IL15: variants seen among roughly 807,000 people sequenced by gnomAD.
IL15 encodes interleukin-15.
Under a neutral mutation model 19.6 loss-of-function variants are expected in IL15, and 11 were observed. That is an observed-to-expected ratio of 0.56 (90% CI 0.35 to 0.93). The LOEUF is 0.93. Ranked by LOEUF, IL15 falls within the 40% of genes least tolerant of loss-of-function variation. IL15 has a pLI of 0.01. For synonymous variants in IL15, 58 were observed against 59.6 expected (o/e 0.97, Z 0.12); for missense variants, 197 against 186.5 (o/e 1.06, Z -0.33).
intron 2 of IL15, chr4:141,688,751 C>G (rs1419420549): frequency 6.6e-6 from 1 of 152,046 alleles, no homozygotes; most frequent in South Asian, 2.1e-4. Context: ...TGATATCCCA[C>G]CAGCCTCCCA....
chr4:141,712,462 G>C (rs1406149389), intron 2 of IL15, among the ~76,000 whole-genome samples: 7 of 151,994 alleles, frequency 4.6e-5, no homozygotes, highest in African/African-American at 1.7e-4. Context: ...CATGAACATA[G>C]TGCTACAGAA....
chr4:141,716,498 A>T (rs1729888292), intron 2 of IL15: 1 of 152,266 alleles, frequency 6.6e-6, no homozygotes. Flanking sequence ...GCAGTCTCAC[A>T]GAATACAAGA....
chr4:141,655,568 CT>C (rs1338675289), intron 1 of IL15, among the ~76,000 whole-genome samples: 3 of 151,904 alleles, frequency 2.0e-5, no homozygotes, highest in Admixed American at 1.3e-4. Context: ...TACTACTTTA[CT>C]TTTTTAAATG....
At chr4:141,643,071 G>T (rs146260481) in intron 1 of IL15, among the ~76,000 whole-genome samples, 54 of 152,298 alleles carry the variant, frequency 3.5e-4, no homozygotes, top group African/African-American at 1.2e-3. Context: ...TTAGTTTGAG[G>T]TAGAATTTAT....
chr4:141,711,980 C>T (rs1344213786), intron 2 of IL15, among the ~76,000 whole-genome samples: 7 of 152,024 alleles, frequency 4.6e-5, no homozygotes, highest in African/African-American at 1.7e-4. Flanking sequence ...GTTTCATTAT[C>T]CTGGAATTAG....
At chr4:141,644,955 C>T (rs1199043206) in intron 1 of IL15, among the ~76,000 whole-genome samples, 1 of 152,114 alleles carries the variant, frequency 6.6e-6, no homozygotes, top group Non-Finnish European at 1.5e-5. Flanking sequence ...TTAACTTCAT[C>T]TTTTGCACTT....
intron 2 of IL15, among the ~76,000 whole-genome samples, chr4:141,682,353 T>C (rs1231802381): frequency 6.6e-6 from 1 of 152,236 alleles, no homozygotes; most frequent in East Asian, 1.9e-4. Context: ...ACTGTGAATT[T>C]GCTTTGCTGA....
At chr4:141,666,515 C>G (rs1727992338) in intron 2 of IL15, among the ~76,000 whole-genome samples, 1 of 152,050 alleles carries the variant, frequency 6.6e-6, no homozygotes, top group African/African-American at 2.4e-5. Context: ...ACCACCCTGC[C>G]TGGCTAATTT....
At chr4:141,672,581 G>A (rs1728210266) in intron 2 of IL15, among the ~76,000 whole-genome samples, 1 of 152,188 alleles carries the variant, frequency 6.6e-6, no homozygotes, top group Admixed American at 6.5e-5. Flanking sequence ...GAGGGTATGT[G>A]TGCTAAAGCA....
intron 2 of IL15, chr4:141,704,520 C>G (rs903878275): frequency 3.4e-5 from 9 of 267,238 alleles, no homozygotes; most frequent in Non-Finnish European, 3.8e-5. Context: ...TTTGTTGTAT[C>G]CTTGTCTGGT....
chr4:141,656,273 C>A lies in IL15; in HGVS notation c.-134C>A. ...CTGACGTCACATGGAGCACAGAAATCAATGTTAGCAGATAGCCAGCCCATA... is the reference window on the plus strand; with the variant it reads ...CTGACGTCACATGGAGCACAGAAATAAATGTTAGCAGATAGCCAGCCCATA... On this transcript the variant is annotated 5_prime_UTR_variant, in exon 2 of 8. The change creates a premature stop within an existing upstream ORF in the 5' untranslated region. Transcript: ENST00000320650. The A allele has an allele frequency of 5.0e-6, 2 of 398,188 alleles. No individual in the cohort carries two copies. The highest frequency in any genetic ancestry group is 2.6e-4 in the South Asian group (2 of 7,826). 24.7% of individuals were successfully genotyped at this position (398,188 alleles called of 1,614,324 possible).
chr4:141,723,362 G>A (rs571535568), intron 5 of IL15, among the ~76,000 whole-genome samples: 123 of 152,272 alleles, frequency 8.1e-4, no homozygotes, highest in African/African-American at 2.8e-3. Context: ...ATTAGAAAAG[G>A]AAAGGACACA....
intron 3 of IL15, 85 bp from the exon 4 acceptor site, chr4:141,720,384 G>T: frequency 1.4e-6 from 1 of 706,240 alleles, no homozygotes; most frequent in South Asian, 1.6e-5. Context: ...TACATCTTTA[G>T]ACCTAAAAAT....
At chr4:141,669,090 T>G in intron 2 of IL15, among the ~76,000 whole-genome samples, 1 of 152,202 alleles carries the variant, frequency 6.6e-6, no homozygotes, top group Non-Finnish European at 1.5e-5. Flanking sequence ...TAAATGTCAT[T>G]TAAAATGATG....
chr4:141,723,398 T>C (rs375171516), intron 5 of IL15, among the ~76,000 whole-genome samples: 3 of 152,148 alleles, frequency 2.0e-5, no homozygotes, highest in African/African-American at 7.2e-5. Context: ...AAGAAAGCCA[T>C]GTGAAGACAG....
chr4:141,655,153 A>G (rs541150912), intron 1 of IL15, among the ~76,000 whole-genome samples: 19 of 152,108 alleles, frequency 1.2e-4, no homozygotes, highest in Non-Finnish European at 2.5e-4. Context: ...GGATTCATCA[A>G]TTGTGGTTGT....
In IL15 at chr4:141,732,967, G is replaced by A; in HGVS notation, c.*119G>A. On this transcript the variant is annotated 3_prime_UTR_variant, in exon 8 of 8. Coordinates refer to ENST00000320650, the MANE Select transcript of IL15 (RefSeq NM_000585.5). ...TCAAAACAAGTTTTTCTGTCAAGAA[G>A]ATGATCAGACCTTGGATCAGATGAA... The A allele has an allele frequency of 7.0e-6, 10 of 1,435,554 alleles. No homozygotes were observed. The highest frequency in any genetic ancestry group is 9.2e-6 in the Non-Finnish European group (10 of 1,090,760). 88.9% of individuals were successfully genotyped at this position (1,435,554 alleles called of 1,614,324 possible).
At chr4:141,698,200 A>T (rs1468261073) in intron 2 of IL15, among the ~76,000 whole-genome samples, 1 of 151,944 alleles carries the variant, frequency 6.6e-6, no homozygotes, top group Non-Finnish European at 1.5e-5. Flanking sequence ...CTTGATCATG[A>T]TGTATTATCT....
chr4:141,658,422 C>T (rs1727678817), intron 2 of IL15, among the ~76,000 whole-genome samples: 1 of 151,986 alleles, frequency 6.6e-6, no homozygotes, highest in South Asian at 2.1e-4. Flanking sequence ...ATTTTCAGCT[C>T]CACTATAATC....
Sources: gnomAD v4.1 joint callset for allele counts (sites outside exome capture counted in the v4.1 genomes callset) on GRCh38, gnomAD v4.1.1 for gene constraint, MANE v1.5 for transcripts, NCBI Gene and HGNC (gene_info 2026-07-23, HGNC 2026-07-21) for gene names.